Variants in PXDC1 observed in about 807,000 individuals in gnomAD.
PXDC1 encodes PX domain-containing protein 1.
PXDC1 carries 13 observed loss-of-function variants against 24.4 expected under a neutral mutation model. That is an observed-to-expected ratio of 0.53 (90% CI 0.35 to 0.85). The LOEUF is 0.85. PXDC1 is among the 40% of genes least tolerant of loss of function. PXDC1 has a pLI of 0.01. For missense variants in PXDC1, 344 were observed against 309.3 expected (o/e 1.11, Z -0.84); for synonymous variants, 162 against 124.9 (o/e 1.30, Z -1.98).
At chr6:3,751,206 T>C (rs954503794) in intron 1 of PXDC1, 70 bp downstream of exon 1, 30 of 1,211,400 alleles carry the variant, frequency 2.5e-5, no homozygotes, top group Non-Finnish European at 3.1e-5. Context: ...TTGAAGTCTC[T>C]TCCCCGCCTC....
chr6:3,748,958 A>G (rs1160866192), intron 1 of PXDC1, among the ~76,000 whole-genome samples: 1 of 152,246 alleles, frequency 6.6e-6, no homozygotes, highest in African/African-American at 2.4e-5. Flanking sequence ...TATGCAAACA[A>G]TAAATCTGCA....
intron 1 of PXDC1, among the ~76,000 whole-genome samples, chr6:3,744,675 G>C (rs536021417): frequency 6.6e-6 from 1 of 152,336 alleles, no homozygotes; most frequent in African/African-American, 2.4e-5. Flanking sequence ...CAAGAACTCT[G>C]TGCACTTGGC....
chr6:3,733,387 A>G (rs1191736200), intron 3 of PXDC1, among the ~76,000 whole-genome samples: 5 of 152,192 alleles, frequency 3.3e-5, no homozygotes. Flanking sequence ...TATTGTCAAT[A>G]GTAATTTCAT....
intron 1 of PXDC1, among the ~76,000 whole-genome samples, chr6:3,740,628 C>T (rs1760431373): frequency 6.6e-6 from 1 of 152,190 alleles, no homozygotes; most frequent in African/African-American, 2.4e-5. Flanking sequence ...GCCCACCTAC[C>T]TCACCAGCTC....
intron 1 of PXDC1, among the ~76,000 whole-genome samples, chr6:3,745,294 C>A (rs986720456): frequency 3.9e-5 from 6 of 152,368 alleles, no homozygotes; most frequent in African/African-American, 1.2e-4. Context: ...CACTCTCCCG[C>A]AGACCACTGT....
rs1760045358 is a variant in PXDC1 at position 3,725,582 on chromosome 6, C to A, written c.579-1846G>T. On this transcript the variant is annotated intron_variant, in intron 4 of 4. Coordinates refer to ENST00000380283, the MANE Select transcript of PXDC1 (RefSeq NM_183373.4). This position sits in a 1 kb window ranked among gnomAD's most constrained non-coding sequence, Gnocchi z 4.8. ...GGGGGCCCTGCTGTGGGCCCGGCGG[C>A]ACTGGGCTCACAGGCTCGGGCCAGA... 6.6e-6 allele frequency among the ~76,000 whole-genome samples: 1 copy of A among 152,218 alleles called. No individual in the cohort carries two copies. The highest frequency in any genetic ancestry group is 2.4e-5 in the African/African-American group (1 of 41,454).
At chr6:3,739,738 C>T (rs993065100) in intron 1 of PXDC1, among the ~76,000 whole-genome samples, 2 of 152,248 alleles carry the variant, frequency 1.3e-5, no homozygotes, top group Admixed American at 6.5e-5. Flanking sequence ...CCAGACTCTC[C>T]GGATGCCTCC....
rs932644219 is a variant in PXDC1 at position 3,724,205 on chromosome 6, G to A, written c.579-469C>T. On this transcript the variant is annotated intron_variant, in intron 4 of 4. Transcript: ENST00000380283. This position sits in a 1 kb window ranked among gnomAD's most constrained non-coding sequence, Gnocchi z 4.5. ...GAGGCTGCGAGGGAACAGGAGGCTG[G>A]AGAAGAGCCGGCGAGGCCCGTGGAG... is the stretch of plus-strand genomic sequence containing the variant. Among the ~76,000 whole-genome samples the A allele has an allele frequency of 6.6e-6, 1 of 152,146 alleles. No homozygotes were observed. The highest frequency in any genetic ancestry group is 6.5e-5 in the Admixed American group (1 of 15,286).
In PXDC1 at chr6:3,737,706, A is replaced by G. The variant is rs1204388849; in HGVS notation, c.348+351T>C. Reference sequence around the variant, plus strand: ...CTTGGTTTCCACGTGTCTGTTCTAAAATCCCCTCAGCAAGACGGTGGATTC... The same window carrying G: ...CTTGGTTTCCACGTGTCTGTTCTAAGATCCCCTCAGCAAGACGGTGGATTC... On this transcript the variant is annotated intron_variant, in intron 2 of 4. Transcript: ENST00000380283. This position sits in a 1 kb window ranked among gnomAD's most constrained non-coding sequence, Gnocchi z 5.5. 1.0e-6 allele frequency: 1 copy of G among 985,216 alleles called. No homozygotes were observed. Among genetic ancestry groups the G allele is most frequent in the Admixed American group, 6.1e-5 (1 of 16,266 alleles). The allele number at this position is 985,216 out of a possible 1,614,324, so 61.0% of individuals were successfully genotyped here.
Position 3,727,675 on chromosome 6 carries a change from G to A in PXDC1, c.467-13C>T. The A allele has an allele frequency of 6.3e-7, 1 of 1,575,110 alleles. No homozygotes were observed. The highest frequency in any genetic ancestry group is 1.3e-5 in the African/African-American group (1 of 74,186). On this transcript the variant is annotated splice_polypyrimidine_tract_variant and intron_variant, in intron 3 of 4. Transcript: ENST00000380283. ...GACCTCATGATTTCTGAAAACCAAA[G>A]CAACAAGGTGAGTCCTCAGGAGGGG... is the stretch of plus-strand genomic sequence containing the variant.
At chr6:3,750,863 C>G (rs1368724366) in intron 1 of PXDC1, among the ~76,000 whole-genome samples, 1 of 152,176 alleles carries the variant, frequency 6.6e-6, no homozygotes, top group African/African-American at 2.4e-5. Flanking sequence ...CTGCAGTTAA[C>G]TGCTCCCAGA....
chr6:3,744,630 A>G (rs1370584110), intron 1 of PXDC1, among the ~76,000 whole-genome samples: 1 of 152,220 alleles, frequency 6.6e-6, no homozygotes, highest in Non-Finnish European at 1.5e-5. Context: ...CATGAGGGAC[A>G]AGGAGGCAAC....
In PXDC1 at chr6:3,723,667, G is replaced by A. The variant is rs1759991826; in HGVS notation, c.648C>T (p.Asn216=). The change falls in exon 5 of 5, where the codon AAC becomes AAT. Residue 216 remains asparagine, a synonymous_variant. Coordinates refer to ENST00000380283, the MANE Select transcript of PXDC1 (RefSeq NM_183373.4). Reference sequence around the variant, plus strand: ...AGGGGACCAGGTGGTAATATGACAGGTTGGTGACGTAGGCTGCTGGGTCGT... The same window carrying A: ...AGGGGACCAGGTGGTAATATGACAGATTGGTGACGTAGGCTGCTGGGTCGT... ...DGDDPAAYVT[N]LSYYHLVPFE... 6 of 1,614,102 alleles carry A rather than the reference G, an allele frequency of 3.7e-6. No individual in the cohort carries two copies. The East Asian group carries it at 6.7e-5, about 18-fold the overall frequency.
chr6:3,746,405 G>A (rs1377070242), intron 1 of PXDC1, among the ~76,000 whole-genome samples: 1 of 152,204 alleles, frequency 6.6e-6, no homozygotes, highest in African/African-American at 2.4e-5. Flanking sequence ...GCGTGAAGGT[G>A]GGTGGCCCCA....
intron 3 of PXDC1, among the ~76,000 whole-genome samples, chr6:3,730,453 C>T (rs1760170565): frequency 6.6e-6 from 1 of 151,904 alleles, no homozygotes; most frequent in South Asian, 2.1e-4. Flanking sequence ...TTTTTATTTA[C>T]TTGGTCACTT....
intron 3 of PXDC1, among the ~76,000 whole-genome samples, chr6:3,736,674 T>C (rs1441942336): frequency 5.9e-5 from 9 of 152,182 alleles, no homozygotes; most frequent in Admixed American, 5.9e-4. Context: ...TAAGGAGACC[T>C]AAAGCCTGTG....
Position 3,732,091 on chromosome 6 carries a change from G to A in PXDC1, c.467-4429C>T, listed in dbSNP as rs150342415. 2.9e-4 allele frequency among the ~76,000 whole-genome samples: 44 copies of A among 152,330 alleles called. 1 individual carries two copies. The East Asian group carries it at 8.5e-3, about 29-fold the overall frequency. On this transcript the variant is annotated intron_variant, in intron 3 of 4. Coordinates refer to ENST00000380283, the MANE Select transcript of PXDC1 (RefSeq NM_183373.4). ...AAATCTTTGCATCTATCAATCAATG[G>A]ATCTTTTTTGCAACAATTACCAATG...
chr6:3,741,501 A>T (rs1368635808), intron 1 of PXDC1, among the ~76,000 whole-genome samples: 1 of 152,260 alleles, frequency 6.6e-6, no homozygotes, highest in Non-Finnish European at 1.5e-5. Context: ...CCAAGCTGGC[A>T]ATCTGGATCA....
At chr6:3,738,185 C>T (rs1471556173) in intron 1 of PXDC1, 37 bp from the exon 2 acceptor site, 2 of 1,540,154 alleles carry the variant, frequency 1.3e-6, no homozygotes, top group East Asian at 2.2e-5. Context: ...GTCAGAATAG[C>T]ACACCAGGAA....
Sources: gnomAD v4.1 joint callset for allele counts (sites outside exome capture counted in the v4.1 genomes callset) on GRCh38, gnomAD v4.1.1 for gene constraint, Gnocchi (gnomAD v3.1) non-coding constraint, MANE v1.5 for transcripts, NCBI Gene and HGNC (gene_info 2026-07-23, HGNC 2026-07-21) for gene names.